The following SORBS2 variants were observed in gnomAD, a reference collection of about 807,000 sequenced individuals.
The protein encoded by SORBS2 is sorbin and SH3 domain-containing protein 2.
SORBS2 carries 46 observed loss-of-function variants against 97.7 expected under a neutral mutation model. That is an observed-to-expected ratio of 0.47 (90% CI 0.37 to 0.60). The LOEUF (loss-of-function observed/expected upper bound fraction) is 0.60, where lower values mean the gene tolerates loss of function less well. Ranked by LOEUF, SORBS2 falls within the 20% of genes least tolerant of loss-of-function variation. The pLI is 0.00. For synonymous variants in SORBS2, 476 were observed against 473.4 expected (o/e 1.01, Z -0.07); for missense variants, 1,316 against 1,282.3 (o/e 1.03, Z -0.40).
At chr4:185,793,646 C>G (rs1386409634) in intron 1 of SORBS2, among the ~76,000 whole-genome samples, 1 of 151,852 alleles carries the variant, frequency 6.6e-6, no homozygotes, top group Admixed American at 6.6e-5. Flanking sequence ...TGGTCAATAC[C>G]TCTGGGAGAT....
At chr4:185,622,255 A>G (rs1377635865) in intron 7 of SORBS2, among the ~76,000 whole-genome samples, 1 of 152,256 alleles carries the variant, frequency 6.6e-6, no homozygotes, top group East Asian at 1.9e-4. Context: ...TTTAGCAGAA[A>G]GAGAAAGTGA....
Position 185,758,382 on chromosome 4 carries a change from G to A in SORBS2, c.-198+16845C>T, listed in dbSNP as rs566543614. On this transcript the variant is annotated intron_variant, in intron 2 of 20. Coordinates refer to the SORBS2 transcript ENST00000284776. ...TCTTGGCTGTCAGCACACTGTGCCC[G>A]CTTGCCTTCCTCCTATCTCCCTGGG... Among the ~76,000 whole-genome samples, 9 of 152,168 alleles carry A rather than the reference G, an allele frequency of 5.9e-5. No individual in the cohort carries two copies. In the East Asian group the frequency reaches 1.2e-3, roughly 20 times the overall value.
chr4:185,728,973 A>C (rs573179652), intron 2 of SORBS2, among the ~76,000 whole-genome samples: 4 of 152,242 alleles, frequency 2.6e-5, no homozygotes, highest in Admixed American at 2.0e-4. Context: ...CAGCCCTTCC[A>C]TCTCTTCTTC....
intron 2 of SORBS2, 87 bp downstream of exon 10, chr4:185,652,575 T>C (rs2097332569): frequency 2.0e-6 from 2 of 1,024,294 alleles, no homozygotes; most frequent in African/African-American, 1.6e-5. Context: ...GGTCTTGACA[T>C]TGTGTGTGAA....
At chr4:185,771,453 C>A (rs1273905581) in intron 2 of SORBS2, 1 of 152,208 alleles carries the variant, frequency 6.6e-6, no homozygotes, top group Non-Finnish European at 1.5e-5. Context: ...GCTCACTGTA[C>A]CAGTCTGGGG....
intron 2 of SORBS2, among the ~76,000 whole-genome samples, chr4:185,716,598 G>GT (rs5864954): frequency 0.23 from 35,237 of 152,016 alleles, 4,193 homozygotes; most frequent in Middle Eastern, 0.26. Context: ...GTATAAATGA[G>GT]TTTTTTTTAA....
At chr4:185,681,401 GAA>G (rs35332490) in intron 2 of SORBS2, among the ~76,000 whole-genome samples, 12 of 138,436 alleles carry the variant, frequency 8.7e-5, no homozygotes, top group African/African-American at 1.0e-4. Context: ...ATATAGGTTA[GAA>G]AAAAAAAAAA....
rs1365051320 is a variant in SORBS2 at position 185,607,310 on chromosome 4, C to T, written c.2796+4470G>A. ...GCTCCTTTATCTGAGCCAGGTGAGA[C>T]TTTGTGGGTGGGAGGAGGGGCTGGT... On this transcript the variant is annotated intron_variant, in intron 12 of 14. Transcript: ENST00000418609. This position sits in a 1 kb window ranked among gnomAD's most constrained non-coding sequence, Gnocchi z 5.2. The T allele has an allele frequency of 7.8e-7, 1 of 1,286,202 alleles. No homozygotes were observed. 79.7% of individuals were successfully genotyped at this position (1,286,202 alleles called of 1,614,324 possible).
chr4:185,866,797 C>T (rs1278004252), intron 1 of SORBS2, among the ~76,000 whole-genome samples: 3 of 152,178 alleles, frequency 2.0e-5, no homozygotes, highest in African/African-American at 7.2e-5. Flanking sequence ...CTACCATATC[C>T]TGAATTGCCA....
intron 9 of SORBS2, among the ~76,000 whole-genome samples, chr4:185,617,405 C>G (rs1341667186): frequency 1.3e-5 from 2 of 152,088 alleles, no homozygotes; most frequent in African/African-American, 4.8e-5. Flanking sequence ...AGTTCATTTC[C>G]TATCTCAGCA....
At chr4:185,611,669 C>G in intron 12 of SORBS2, 111 bp downstream of exon 24, 3 of 803,966 alleles carry the variant, frequency 3.7e-6, no homozygotes, top group Non-Finnish European at 6.0e-6. Context: ...ATATGTAAAT[C>G]TCTTTCTCTG....
chr4:185,698,554 C>G (rs1461959582), intron 2 of SORBS2, among the ~76,000 whole-genome samples: 1 of 152,154 alleles, frequency 6.6e-6, no homozygotes, highest in African/African-American at 2.4e-5. Flanking sequence ...AAATCAAGCT[C>G]TTTCCCTTTA....
At chr4:185,594,980 T>A (rs2096051794) in intron 12 of SORBS2, among the ~76,000 whole-genome samples, 1 of 152,140 alleles carries the variant, frequency 6.6e-6, no homozygotes, top group African/African-American at 2.4e-5. Flanking sequence ...ATTTCCATAG[T>A]TATGAGTGGA....
At chr4:185,883,722 T>C (rs1036064427) in intron 1 of SORBS2, among the ~76,000 whole-genome samples, 4 of 152,208 alleles carry the variant, frequency 2.6e-5, no homozygotes, top group African/African-American at 9.6e-5. Flanking sequence ...TGTGGTGGCA[T>C]GTGCCTGTAG....
chr4:185,626,176 C>T lies in SORBS2; in HGVS notation c.634+656G>A, dbSNP rs561348534. On this transcript the variant is annotated intron_variant, in intron 6 of 14. Transcript: ENST00000418609. The stretch of plus-strand genomic sequence containing the variant: ...GCTCCCTACACTTGCAGAGAGGAGA[C>T]GGGCCATCCAGAAAAAAAGGCTTGG... Among the ~76,000 whole-genome samples the T allele has an allele frequency of 1.6e-4, 25 of 152,292 alleles. 1 individual carries two copies. In the South Asian group the frequency reaches 2.3e-3, roughly 14 times the overall value.
chr4:185,938,128 G>T (rs10024968), intron 1 of SORBS2, among the ~76,000 whole-genome samples: 1 of 149,698 alleles, frequency 6.7e-6, no homozygotes, highest in Admixed American at 6.7e-5. Flanking sequence ...CCTGTGAGTA[G>T]CTGGGATTAC....
chr4:185,913,143 C>T (rs897955562), intron 1 of SORBS2, among the ~76,000 whole-genome samples: 12 of 152,168 alleles, frequency 7.9e-5, no homozygotes, highest in African/African-American at 2.9e-4. Context: ...GGATGTTTTG[C>T]TTCTTTCATC....
intron 4 of SORBS2, 30 bp from the exon 16 acceptor site, chr4:185,635,441 G>T: frequency 6.4e-7 from 1 of 1,560,228 alleles, no homozygotes; most frequent in Non-Finnish European, 8.8e-7. Context: ...AGAAGCAGAA[G>T]TGTAGGGATG....
intron 2 of SORBS2, among the ~76,000 whole-genome samples, chr4:185,700,204 A>G (rs2098240409): frequency 6.6e-6 from 1 of 152,238 alleles, no homozygotes; most frequent in Non-Finnish European, 1.5e-5. Flanking sequence ...GTTGAAAAAT[A>G]TAATTAAATC....
Sources: allele counts gnomAD v4.1 joint callset (sites outside exome capture counted in the v4.1 genomes callset), GRCh38; gene constraint gnomAD v4.1.1; non-coding constraint Gnocchi (gnomAD v3.1); transcripts MANE v1.5; gene names NCBI Gene and HGNC (gene_info 2026-07-23, HGNC 2026-07-21).